Variants in WDSUB1 observed in about 807,000 individuals in gnomAD.
WDSUB1 encodes WD repeat, sterile alpha motif and U-box domain containing 1, also known as WD repeat, SAM and U-box domain-containing protein 1.
In WDSUB1, 49 loss-of-function variants were observed where a neutral mutation model predicts 53.9. The observed-to-expected ratio is 0.91, with a 90% CI of 0.72 to 1.15. The LOEUF is 1.15. WDSUB1 is among the 50% of genes most tolerant of loss of function. WDSUB1 has a pLI of 0.00. For missense variants in WDSUB1, 514 were observed against 562.0 expected (o/e 0.91, Z 0.86); for synonymous variants, 194 against 200.6 (o/e 0.97, Z 0.28).
At chr2:159,247,914 T>A (rs865920888) in intron 10 of WDSUB1, among the ~76,000 whole-genome samples, 3,720 of 65,530 alleles carry the variant, frequency 0.057, 205 homozygotes, top group East Asian at 0.34. Context: ...TATATAAATA[T>A]ATATATATAT....
chr2:159,248,301 G>A, intron 10 of WDSUB1, 71 bp downstream of exon 10: 4 of 1,549,936 alleles, frequency 2.6e-6, no homozygotes, highest in African/African-American at 1.4e-5. Flanking sequence ...GCAAACTTCT[G>A]AGAACTGTCT....
chr2:159,273,299 CTTCAATACAACAATA>C (rs1223638771), intron 4 of WDSUB1, among the ~76,000 whole-genome samples: 1 of 152,018 alleles, frequency 6.6e-6, no homozygotes, highest in South Asian at 2.1e-4. Context: ...GACTATAAAA[CTTCAATACAACAATA>C]ATAGGTTATG....
At chr2:159,272,003 A>G (rs1415075402) in intron 4 of WDSUB1, among the ~76,000 whole-genome samples, 2 of 152,254 alleles carry the variant, frequency 1.3e-5, no homozygotes, top group African/African-American at 2.4e-5. Flanking sequence ...TAAAGAATAA[A>G]GTCAAATTTT....
At chr2:159,262,989 C>T (rs770085590) in intron 5 of WDSUB1, among the ~76,000 whole-genome samples, 1 of 152,172 alleles carries the variant, frequency 6.6e-6, no homozygotes, top group African/African-American at 2.4e-5. Flanking sequence ...AGGTATTCAA[C>T]CTTTTGATAC....
rs1361602283 is a variant in WDSUB1, at chr2:159,256,221, T to G, written c.1107A>C (p.Glu369Asp). ...CAATTTTCAAATCATCAGCCAGACT[T>G]TCTTTTGTAAGATTCAACAGTTCTT... ...DGKELLNLTKESLADDLKIES... is the reference protein window; with the variant it reads ...DGKELLNLTKDSLADDLKIES... The change falls in exon 9 of 11, where the codon GAA (glutamate) becomes GAC (aspartate). Residue 369 changes from glutamate (E) to aspartate (D), a missense_variant. Glu to Asp is a conservative substitution (Grantham distance 45, BLOSUM62 2). Transcript: ENST00000359774. 6.2e-7 allele frequency: 1 copy of G among 1,602,314 alleles called. No individual in the cohort carries two copies. The highest frequency in any genetic ancestry group is 8.5e-7 in the Non-Finnish European group (1 of 1,176,314).
At chr2:159,255,524 C>A (rs150669335) in intron 9 of WDSUB1, among the ~76,000 whole-genome samples, 2,186 of 151,984 alleles carry the variant, frequency 0.014, 30 homozygotes, top group South Asian at 0.023. Flanking sequence ...TGACTGTACT[C>A]AAGTATAGCC....
rs149254222 is a variant in WDSUB1, at chr2:159,285,482, G to T, written c.-25+1101C>A. On this transcript the variant is annotated intron_variant, in intron 1 of 10. Transcript: ENST00000359774. ...GCATTTTGGGAGGCCGAGATGGGTG[G>T]AACACTTGAGCCCAAGAGTTTAAGA... is the stretch of plus-strand genomic sequence containing the variant. Among the ~76,000 whole-genome samples, 300 of 152,204 alleles carry T rather than the reference G, an allele frequency of 2.0e-3. 1 individual carries two copies. Among genetic ancestry groups the T allele is most frequent in the Middle Eastern group, 0.01 (3 of 294 alleles).
At chr2:159,271,421 G>A (rs533814527) in intron 5 of WDSUB1, among the ~76,000 whole-genome samples, 30 of 152,278 alleles carry the variant, frequency 2.0e-4, no homozygotes, top group African/African-American at 7.0e-4. Flanking sequence ...AATGTCACAA[G>A]TGTAATGTTG....
chr2:159,265,449 C>T (rs868598607), intron 5 of WDSUB1, among the ~76,000 whole-genome samples: 18 of 152,060 alleles, frequency 1.2e-4, no homozygotes, highest in African/African-American at 4.1e-4. Context: ...AAGACTGACC[C>T]GGCTAGGTGT....
chr2:159,237,186 A>C (rs2060505242), intron 10 of WDSUB1, among the ~76,000 whole-genome samples: 1 of 152,208 alleles, frequency 6.6e-6, no homozygotes, highest in Non-Finnish European at 1.5e-5. Context: ...GAGTGGTCCC[A>C]AAATACTGTG....
At position 159,283,761 on chromosome 2, in the gene WDSUB1, C is replaced by G. The variant is rs142260367; in HGVS notation, c.-24-668G>C. Reference sequence around the variant, plus strand: ...TCCTGCTGTGCAGCCCAGTTCCTAACAGGCCATGATGGGTACCAGTCCTCG... The same window carrying G: ...TCCTGCTGTGCAGCCCAGTTCCTAAGAGGCCATGATGGGTACCAGTCCTCG... On this transcript the variant is annotated intron_variant, in intron 1 of 10. Transcript: ENST00000359774. 2.5e-3 allele frequency among the ~76,000 whole-genome samples: 382 copies of G among 152,252 alleles called. 3 individuals carry two copies. Among genetic ancestry groups the G allele is most frequent in the African/African-American group, 8.7e-3 (361 of 41,548 alleles).
chr2:159,277,086 C>CA (rs1351349316), intron 3 of WDSUB1, among the ~76,000 whole-genome samples: 2 of 152,188 alleles, frequency 1.3e-5, no homozygotes, highest in African/African-American at 4.8e-5. Flanking sequence ...CAAACGTGTA[C>CA]ACCTGGGCAT....
intron 9 of WDSUB1, among the ~76,000 whole-genome samples, chr2:159,255,944 G>A (rs1264726333): frequency 6.6e-6 from 1 of 152,126 alleles, no homozygotes; most frequent in Non-Finnish European, 1.5e-5. Context: ...CAATGGATCT[G>A]ATCAGACATT....
At chr2:159,275,924 G>A (rs955046457) in intron 3 of WDSUB1, among the ~76,000 whole-genome samples, 1 of 152,196 alleles carries the variant, frequency 6.6e-6, no homozygotes, top group Non-Finnish European at 1.5e-5. Context: ...CCACTCAATA[G>A]AGCATCCTCC....
intron 6 of WDSUB1, 53 bp downstream of exon 6, chr2:159,259,757 T>G (rs2061148948): frequency 1.4e-6 from 2 of 1,471,760 alleles, no homozygotes; most frequent in Non-Finnish European, 1.8e-6. Flanking sequence ...TGAAGTTCAG[T>G]AGTCTAATAA....
At chr2:159,257,894 T>C in intron 7 of WDSUB1, 30 bp from the exon 8 acceptor site, 1 of 1,610,396 alleles carries the variant, frequency 6.2e-7, no homozygotes, top group Non-Finnish European at 8.5e-7. Flanking sequence ...ATTATGTATC[T>C]TCTGACTAAT....
chr2:159,263,496 A>G (rs560510180), intron 5 of WDSUB1, among the ~76,000 whole-genome samples: 1 of 152,342 alleles, frequency 6.6e-6, no homozygotes, highest in South Asian at 2.1e-4. Flanking sequence ...TTTGCCAAAG[A>G]AAGGTTGCAA....
chr2:159,261,050 C>T (rs967784672), intron 5 of WDSUB1, among the ~76,000 whole-genome samples: 1 of 152,136 alleles, frequency 6.6e-6, no homozygotes, highest in Non-Finnish European at 1.5e-5. Flanking sequence ...AACACAAGAA[C>T]TTGGGAAGCA....
chr2:159,249,449 A>G (rs761276899), intron 9 of WDSUB1, among the ~76,000 whole-genome samples: 1 of 152,190 alleles, frequency 6.6e-6, no homozygotes, highest in Non-Finnish European at 1.5e-5. Context: ...TGGGTAGAAG[A>G]ATTAGATTTC....
Sources: allele counts gnomAD v4.1 joint callset (sites outside exome capture counted in the v4.1 genomes callset), GRCh38; gene constraint gnomAD v4.1.1; transcripts MANE v1.5; gene names NCBI Gene and HGNC (gene_info 2026-07-23, HGNC 2026-07-21).